MDGA2: variants seen among roughly 807,000 people sequenced by gnomAD.
MDGA2 encodes the protein MAM domain-containing glycosylphosphatidylinositol anchor protein 2.
Under a neutral mutation model 117.8 loss-of-function variants are expected in MDGA2, and 40 were observed. That is an observed-to-expected ratio of 0.34 (90% confidence interval 0.26 to 0.44). The LOEUF (loss-of-function observed/expected upper bound fraction) is 0.44. MDGA2 is among the 20% of genes least tolerant of loss of function. The probability of loss-of-function intolerance (pLI) is 1.00; values close to 1 mark genes in which losing one functional copy is unlikely to be tolerated. For synonymous variants in MDGA2, 452 were observed against 439.0 expected (o/e 1.03, Z -0.37); for missense variants, 1,123 against 1,250.6 (o/e 0.90, Z 1.54).
chr14:47,473,393 C>T (rs574987071), intron 1 of MDGA2, among the ~76,000 whole-genome samples: 1 of 152,212 alleles, frequency 6.6e-6, no homozygotes, highest in South Asian at 2.1e-4. Context: ...TTTATCATAG[C>T]CTTAGCAGTG....
chr14:46,920,139 A>T lies in MDGA2; in HGVS notation c.2111T>A (p.Phe704Tyr). 1.2e-6 allele frequency: 2 copies of T among 1,609,030 alleles called. No individual in the cohort carries two copies. The highest frequency in any genetic ancestry group is 2.7e-5 in the African/African-American group (2 of 74,862). Reference sequence around the variant, plus strand: ...TACTGGATTGTAGGTATCATAATAGAATTCTGGAGCATAGGCCTTTCCTGA... The same window carrying T: ...TACTGGATTGTAGGTATCATAATAGTATTCTGGAGCATAGGCCTTTCCTGA... ...LVTGKAYAPEFYYDTYNPVWQ... is the reference protein window; with the variant it reads ...LVTGKAYAPEYYYDTYNPVWQ... The change falls in exon 10 of 17, where the codon TTC (phenylalanine) becomes TAC (tyrosine). Residue 704 changes from phenylalanine to tyrosine, a missense_variant. Physicochemically the swap from Phe to Tyr is conservative, Grantham distance 22 (BLOSUM62 3). Coordinates refer to ENST00000399232, the MANE Select transcript of MDGA2 (RefSeq NM_001113498.3).
In MDGA2 at chr14:47,212,577, T is replaced by A. The variant is rs200007903; in HGVS notation, c.595+5444A>T. On this transcript the variant is annotated intron_variant, in intron 3 of 16. Coordinates refer to ENST00000399232, the MANE Select transcript of MDGA2 (RefSeq NM_001113498.3). ...CTTTTGCCTTCATATTTTTAAGTGT[T>A]CAACTTCTGTTTATAGACTTATTTT... is the stretch of plus-strand genomic sequence containing the variant. Among the ~76,000 whole-genome samples the A allele has an allele frequency of 5.3e-5, 8 of 152,280 alleles. No individual in the cohort carries two copies. In the East Asian group the frequency reaches 1.5e-3, roughly 29 times the overall value.
intron 3 of MDGA2, among the ~76,000 whole-genome samples, chr14:47,181,890 T>G (rs937577339): frequency 3.9e-5 from 6 of 152,170 alleles, no homozygotes; most frequent in Non-Finnish European, 8.8e-5. Flanking sequence ...TATGTGACAT[T>G]TGTAAAGTAT....
At chr14:47,611,015 T>C (rs1024053314) in intron 1 of MDGA2, among the ~76,000 whole-genome samples, 4 of 151,952 alleles carry the variant, frequency 2.6e-5, no homozygotes, top group Non-Finnish European at 4.4e-5. Flanking sequence ...AATAGGCACA[T>C]AGGCCAATGG....
At chr14:47,113,046 G>C (rs775594554) in intron 5 of MDGA2, among the ~76,000 whole-genome samples, 2 of 151,984 alleles carry the variant, frequency 1.3e-5, no homozygotes, top group African/African-American at 2.4e-5. Context: ...ATCTTCTTTT[G>C]AGAGGTGTCT....
chr14:47,035,152 T>C lies in MDGA2; in HGVS notation c.1678A>G (p.Met560Val). ...DKEVAMPDGS[M>V]QMESYDGTLR... The stretch of plus-strand genomic sequence containing the variant: ...GTTCCATCATAACTCTCCATTTGCA[T>C]TGATCCATCAGGCATTGCAACTTCT... The change falls in exon 8 of 17, where the codon ATG (methionine) becomes GTG (valine). Residue 560 changes from methionine (M) to valine (V), a missense_variant. Met to Val is a conservative substitution (Grantham distance 21). Transcript: ENST00000399232. The C allele has an allele frequency of 2.5e-6, 4 of 1,614,178 alleles. No homozygotes were observed. The highest frequency in any genetic ancestry group is 3.4e-6 in the Non-Finnish European group (4 of 1,180,030).
At chr14:47,648,984 G>T (rs1198378596) in intron 1 of MDGA2, among the ~76,000 whole-genome samples, 2 of 152,028 alleles carry the variant, frequency 1.3e-5, no homozygotes, top group Non-Finnish European at 2.9e-5. Flanking sequence ...AAAAATGATG[G>T]TTTATATATG....
At chr14:47,224,128 A>C (rs2139539784) in intron 2 of MDGA2, among the ~76,000 whole-genome samples, 1 of 152,266 alleles carries the variant, frequency 6.6e-6, no homozygotes, top group African/African-American at 2.4e-5. Flanking sequence ...TCCTCTTACA[A>C]TTTAACATTA....
chr14:47,273,355 T>C (rs1888208905), intron 2 of MDGA2, among the ~76,000 whole-genome samples: 1 of 152,156 alleles, frequency 6.6e-6, no homozygotes, highest in Non-Finnish European at 1.5e-5. Flanking sequence ...AACAATATTT[T>C]AGTGGTTCAG....
intron 1 of MDGA2, among the ~76,000 whole-genome samples, chr14:47,405,760 T>G (rs2138473707): frequency 6.6e-6 from 1 of 152,248 alleles, no homozygotes; most frequent in East Asian, 1.9e-4. Flanking sequence ...AGAGGGAGAT[T>G]TAAAGTGCTT....
chr14:47,548,076 G>T (rs1346384851), intron 1 of MDGA2, among the ~76,000 whole-genome samples: 1 of 152,008 alleles, frequency 6.6e-6, no homozygotes, highest in Admixed American at 6.6e-5. Flanking sequence ...AGATAAAAAA[G>T]TTACAAACTA....
chr14:47,423,765 GAACT>G (rs1040345399), intron 1 of MDGA2, among the ~76,000 whole-genome samples: 3 of 151,928 alleles, frequency 2.0e-5, no homozygotes, highest in Admixed American at 6.6e-5. Context: ...AGTGTTCTGA[GAACT>G]AACACACTGT....
intron 1 of MDGA2, among the ~76,000 whole-genome samples, chr14:47,381,671 T>C (rs1891631355): frequency 1.3e-5 from 2 of 152,070 alleles, no homozygotes; most frequent in Non-Finnish European, 1.5e-5. Flanking sequence ...AAAGGACCTC[T>C]TCAAGGGGAA....
intron 2 of MDGA2, among the ~76,000 whole-genome samples, chr14:47,242,870 C>A (rs1403728955): frequency 6.6e-6 from 1 of 151,778 alleles, no homozygotes; most frequent in African/African-American, 2.4e-5. Context: ...CCTGCAGCCC[C>A]GGTGTGGGAT....
At position 46,977,234 on chromosome 14, in the gene MDGA2, C is replaced by CT. The variant is rs200128549; in HGVS notation, c.1820-19592dup. 7.9e-3 allele frequency among the ~76,000 whole-genome samples: 1,191 copies of CT among 150,764 alleles called. 39 individuals carry two copies. Among genetic ancestry groups the CT allele is most frequent in the Admixed American group, 0.069 (1,035 of 15,092 alleles). ...AAAAGCCGATTTTCAAATTTCTTCT[C>CT]TTTTTTTTTAAAACACTTTCACTAG... On this transcript the variant is annotated intron_variant, in intron 8 of 16. Coordinates refer to ENST00000399232, the MANE Select transcript of MDGA2 (RefSeq NM_001113498.3).
intron 9 of MDGA2, among the ~76,000 whole-genome samples, chr14:46,956,314 G>C (rs1410341850): frequency 6.6e-6 from 1 of 151,736 alleles, no homozygotes; most frequent in African/African-American, 2.4e-5. Context: ...TTCTTTTAAT[G>C]CATTCCTAAT....
At chr14:47,196,678 A>G (rs1332857919) in intron 3 of MDGA2, among the ~76,000 whole-genome samples, 3 of 152,182 alleles carry the variant, frequency 2.0e-5, no homozygotes, top group African/African-American at 7.2e-5. Flanking sequence ...GGCATTATTA[A>G]TTTTAGGTTC....
At chr14:47,104,514 C>T (rs1261642898) in intron 5 of MDGA2, among the ~76,000 whole-genome samples, 17 of 147,632 alleles carry the variant, frequency 1.2e-4, no homozygotes, top group African/African-American at 2.5e-4. Flanking sequence ...CCCCCTTTGA[C>T]TGTAATTTTC....
chr14:47,540,830 G>C (rs547234167), intron 1 of MDGA2, among the ~76,000 whole-genome samples: 2 of 151,976 alleles, frequency 1.3e-5, no homozygotes, highest in African/African-American at 4.8e-5. Context: ...CTCCCAAAGT[G>C]CAAGGATTAC....
Sources: allele counts gnomAD v4.1 joint callset (sites outside exome capture counted in the v4.1 genomes callset), GRCh38; gene constraint gnomAD v4.1.1; transcripts MANE v1.5; gene names NCBI Gene and HGNC (gene_info 2026-07-23, HGNC 2026-07-21).